The following INTS2 variants were observed in gnomAD, a reference collection of about 807,000 sequenced individuals.
INTS2 encodes the protein KIAA1287.
A neutral mutation model predicts 139.6 loss-of-function variants in INTS2; 57 were observed. That is an observed-to-expected ratio of 0.41 (90% confidence interval 0.33 to 0.51). The LOEUF (loss-of-function observed/expected upper bound fraction) is 0.51, where lower values mean the gene tolerates loss of function less well. Ranked by LOEUF, INTS2 falls within the 20% of genes least tolerant of loss-of-function variation. INTS2 has a pLI of 0.28. For missense variants in INTS2, 1,196 were observed against 1,436.7 expected (o/e 0.83, Z 2.71); for synonymous variants, 473 against 493.4 (o/e 0.96, Z 0.55).
At chr17:61,884,706 G>A (rs1273494438) in intron 16 of INTS2, among the ~76,000 whole-genome samples, 195 bp downstream of exon 16, 1 of 152,084 alleles carries the variant, frequency 6.6e-6, no homozygotes, top group African/African-American at 2.4e-5. Context: ...ACTGAAAATA[G>A]CTAGGGTTGC....
intron 13 of INTS2, among the ~76,000 whole-genome samples, chr17:61,892,394 T>C (rs1349634963): frequency 8.5e-5 from 13 of 152,226 alleles, no homozygotes; most frequent in Admixed American, 7.9e-4. Flanking sequence ...TTGTTAGATA[T>C]AGCCAACTAA....
Position 61,893,792 on chromosome 17 carries a change from G to T in INTS2, c.1671C>A (p.Ser557=). 6.3e-7 allele frequency: 1 copy of T among 1,589,276 alleles called. No homozygotes were observed. The highest frequency in any genetic ancestry group is 2.3e-5 in the East Asian group (1 of 43,950). The stretch of plus-strand genomic sequence containing the variant: ...TTATTGACACTTTGTGCTTGGTAAA[G>T]GAACGGCTCCTGAGAAGCTGGTAAA... ...HCIYQLLRSR[S]FTKHKVSIKD... is the part of the protein sequence containing the mutation. Residue 557 remains serine, a synonymous_variant, in exon 13 of 25, where the codon TCC becomes TCA. Coordinates refer to ENST00000251334, the MANE Select transcript of INTS2 (RefSeq NM_001351695.2). This position sits in a 1 kb window ranked among gnomAD's most constrained non-coding sequence, Gnocchi z 5.4.
chr17:61,887,280 C>T (rs993937019), intron 15 of INTS2, among the ~76,000 whole-genome samples: 3 of 151,862 alleles, frequency 2.0e-5, no homozygotes, highest in Admixed American at 6.6e-5. Context: ...GTCAGAAGGT[C>T]GAGACCAGCC....
At chr17:61,922,467 CA>C (rs59644145) in intron 3 of INTS2, among the ~76,000 whole-genome samples, 13,501 of 41,986 alleles carry the variant, frequency 0.32, 1,013 homozygotes, top group African/African-American at 0.49. Flanking sequence ...GACTCCGTCT[CA>C]AAAAAAAAAA....
At position 61,869,959 on chromosome 17, in the gene INTS2, C is replaced by G; in HGVS notation, c.2808G>C (p.Glu936Asp). 6.2e-7 allele frequency: 1 copy of G among 1,613,654 alleles called. No individual in the cohort carries two copies. Among genetic ancestry groups the G allele is most frequent in the Non-Finnish European group, 8.5e-7 (1 of 1,179,722 alleles). The change falls in exon 21 of 25, where the codon GAG (glutamate) becomes GAC (aspartate). Residue 936 changes from glutamate (E) to aspartate (D), a missense_variant. Glu to Asp is a conservative substitution (Grantham distance 45, BLOSUM62 2). Transcript: ENST00000251334. This position sits in a 1 kb window ranked among gnomAD's most constrained non-coding sequence, Gnocchi z 5.4. Reference sequence around the variant, plus strand: ...TCTCCTCTTCAGTAGGTAGGCAAATCTCTAAGAGAATCTGGACAGCTGCAC... The same window carrying G: ...TCTCCTCTTCAGTAGGTAGGCAAATGTCTAAGAGAATCTGGACAGCTGCAC... Reference protein sequence around the residue: ...QDSAAVQILLEICLPTEEEKA... With the variant: ...QDSAAVQILLDICLPTEEEKA...
intron 13 of INTS2, 49 bp from the exon 14 acceptor site, chr17:61,891,738 A>T (rs1188952190): frequency 7.3e-7 from 1 of 1,362,008 alleles, no homozygotes; most frequent in Admixed American, 2.4e-5. Context: ...AAAAAGAAAA[A>T]CCAAGCAAAA....
rs1431832124 is a variant in INTS2, at chr17:61,869,129, A to G, written c.3149T>C (p.Ile1050Thr). 1 of 1,602,256 alleles carries G rather than the reference A, an allele frequency of 6.2e-7. No homozygotes were observed. The highest frequency in any genetic ancestry group is 1.3e-5 in the African/African-American group (1 of 74,700). Residue 1050 changes from isoleucine (I) to threonine (T), a missense_variant, in exon 23 of 25, where the codon ATC (isoleucine) becomes ACC (threonine). This residue lies in a region of INTS2 where 1,129 missense variants were observed against 1,341.9 expected (regional missense o/e 0.84). Coordinates refer to ENST00000251334, the MANE Select transcript of INTS2 (RefSeq NM_001351695.2). The surrounding 1 kb of genome is among the most constrained non-coding windows in gnomAD (Gnocchi z 5.4). ...QPELEKQIFA[I>T]QLLSHLCIQY... ...TATACACAAGTGAGAAAGCAACTGGATAGCAAATATCTGCAATACAAAATC... is the reference window on the plus strand; with the variant it reads ...TATACACAAGTGAGAAAGCAACTGGGTAGCAAATATCTGCAATACAAAATC...
At chr17:61,901,463 T>C (rs559593923) in intron 9 of INTS2, among the ~76,000 whole-genome samples, 4 of 147,350 alleles carry the variant, frequency 2.7e-5, no homozygotes, top group South Asian at 2.1e-4. Flanking sequence ...AATGAACCAA[T>C]AGACACTACA....
chr17:61,892,720 G>A (rs375876127), intron 13 of INTS2, among the ~76,000 whole-genome samples: 180 of 151,678 alleles, frequency 1.2e-3, no homozygotes, highest in African/African-American at 4.3e-3. Context: ...CGAGGTGGGT[G>A]GATCACGTGA....
In INTS2 at chr17:61,867,858, T is replaced by A. The variant is rs1419390442; in HGVS notation, c.3396A>T (p.Thr1132=). The A allele has an allele frequency of 6.2e-7, 1 of 1,601,508 alleles. No individual in the cohort carries two copies. The highest frequency in any genetic ancestry group is 1.3e-5 in the African/African-American group (1 of 74,104). The part of the protein sequence containing the change: ...QVCASDVATQ[T]RDIDPIITRL... ...GTGTAATAATTGGATCAATGTCTCT[T>A]GTCTGAGTGGCAACATCAGAGGCAC... Residue 1132 remains threonine (T), a synonymous_variant, in exon 24 of 25, where the codon ACA becomes ACT. Coordinates refer to ENST00000251334, the MANE Select transcript of INTS2 (RefSeq NM_001351695.2). The surrounding 1 kb of genome is among the most constrained non-coding windows in gnomAD (Gnocchi z 5.6).
chr17:61,907,354 A>T, intron 8 of INTS2, 54 bp downstream of exon 8: 1 of 1,436,904 alleles, frequency 7.0e-7, no homozygotes, highest in Non-Finnish European at 9.6e-7. Flanking sequence ...TTTCTTGAGA[A>T]TAGAAACAAG....
At position 61,868,960 on chromosome 17, in the gene INTS2, A is replaced by T; in HGVS notation, c.3244+74T>A. On this transcript the variant is annotated intron_variant, in intron 23 of 24. Coordinates refer to ENST00000251334, the MANE Select transcript of INTS2 (RefSeq NM_001351695.2). This position sits in a 1 kb window ranked among gnomAD's most constrained non-coding sequence, Gnocchi z 4.7. Reference sequence around the variant, plus strand: ...CAGAGTGACAGAAAAAACATATTGCATCACTAAATGCAGAAAATATAGGAA... The same window carrying T: ...CAGAGTGACAGAAAAAACATATTGCTTCACTAAATGCAGAAAATATAGGAA... The T allele has an allele frequency of 1.2e-6, 1 of 864,358 alleles. No homozygotes were observed. Among genetic ancestry groups the T allele is most frequent in the Non-Finnish European group, 1.9e-6 (1 of 523,454 alleles). The allele number at this position is 864,358 out of a possible 1,614,324, so 53.5% of individuals were successfully genotyped here.
intron 15 of INTS2, among the ~76,000 whole-genome samples, chr17:61,889,216 A>G (rs2079264184): frequency 6.6e-6 from 1 of 151,840 alleles, no homozygotes; most frequent in East Asian, 2.0e-4. Context: ...CCTCCTGAGT[A>G]GCTGGGATTA....
At chr17:61,892,710 C>T (rs997431174) in intron 13 of INTS2, among the ~76,000 whole-genome samples, 1 of 150,900 alleles carries the variant, frequency 6.6e-6, no homozygotes, top group South Asian at 2.1e-4. Context: ...TTTGGGAGGC[C>T]GAGGTGGGTG....
At position 61,870,070 on chromosome 17, in the gene INTS2, G is replaced by C. The variant is rs1025385675; in HGVS notation, c.2779-82C>G. 1 of 1,287,332 alleles carries C rather than the reference G, an allele frequency of 7.8e-7. No individual in the cohort carries two copies. The highest frequency in any genetic ancestry group is 2.6e-5 in the Admixed American group (1 of 39,118). 79.7% of individuals were successfully genotyped at this position (1,287,332 alleles called of 1,614,324 possible). On this transcript the variant is annotated intron_variant, in intron 20 of 24. Coordinates refer to ENST00000251334, the MANE Select transcript of INTS2 (RefSeq NM_001351695.2). The surrounding 1 kb of genome is among the most constrained non-coding windows in gnomAD (Gnocchi z 4.4). ...ATCAGATTTTATTTTCACATGAACAGATATGATAAAATAACTAATTTCTTA... is the reference window on the plus strand; with the variant it reads ...ATCAGATTTTATTTTCACATGAACACATATGATAAAATAACTAATTTCTTA...
chr17:61,869,851 C>G lies in INTS2; in HGVS notation c.2916G>C (p.Glu972Asp), dbSNP rs774563687. 1.9e-6 allele frequency: 3 copies of G among 1,613,932 alleles called. No homozygotes were observed. The highest frequency in any genetic ancestry group is 3.3e-5 in the Admixed American group (2 of 60,030). ...ITTSAPNKGM[E>D]EGEDNLLCNL... ...TACAGAGCAAATTGTCTTCTCCTTC[C>G]TCCATTCCCTTATTTGGAGCGCTGG... The change falls in exon 21 of 25, where the codon GAG becomes GAC. Residue 972 changes from glutamate to aspartate, a missense_variant. Transcript: ENST00000251334. The surrounding 1 kb of genome is among the most constrained non-coding windows in gnomAD (Gnocchi z 5.4).
At chr17:61,898,199 C>G (rs573775506) in intron 9 of INTS2, among the ~76,000 whole-genome samples, 2 of 152,100 alleles carry the variant, frequency 1.3e-5, no homozygotes, top group South Asian at 4.1e-4. Context: ...TTATAGAAAC[C>G]TTATGAGTAG....
chr17:61,888,950 AG>A (rs2079259803), intron 15 of INTS2, among the ~76,000 whole-genome samples: 1 of 151,930 alleles, frequency 6.6e-6, no homozygotes, highest in Non-Finnish European at 1.5e-5. Flanking sequence ...GCATGAACTC[AG>A]GAAGTGGAGC....
chr17:61,927,878 AGAACCGGGACTGTAG>A lies in INTS2; in HGVS notation c.-258_-244del, dbSNP rs200008356. The A allele has an allele frequency of 7.5e-4, 1,203 of 1,613,982 alleles. 18 individuals are homozygous for A. In the East Asian group the frequency reaches 0.021, roughly 29 times the overall value. ...AAGGATGGGGGCACCACACAAAGGC[AGAACCGGGACTGTAG>A]GAACGGAAAAGCGGGAGACTTTTTC... On this transcript the variant is annotated 5_prime_UTR_variant, in exon 1 of 25. Transcript: ENST00000251334.
Sources: gnomAD v4.1 joint callset for allele counts (sites outside exome capture counted in the v4.1 genomes callset) on GRCh38, gnomAD v4.1.1 for gene constraint, gnomAD v4.1.1 regional missense constraint, Gnocchi (gnomAD v3.1) non-coding constraint, MANE v1.5 for transcripts, NCBI Gene and HGNC (gene_info 2026-07-23, HGNC 2026-07-21) for gene names.